SANBR: variants seen among roughly 807,000 people sequenced by gnomAD.
SANBR encodes SANT and BTB domain regulator of CSR, also known as SANT and BTB domain regulator of class switch recombination.
A neutral mutation model predicts 101.8 loss-of-function variants in SANBR; 77 were observed. That is an observed-to-expected ratio of 0.76 (90% CI 0.63 to 0.91). The LOEUF is 0.91. Ranked by LOEUF, SANBR falls within the 40% of genes least tolerant of loss-of-function variation. The pLI is 0.00. For synonymous variants in SANBR, 279 were observed against 274.7 expected (o/e 1.02, Z -0.15); for missense variants, 875 against 853.0 (o/e 1.03, Z -0.32).
chr2:61,090,388 A>T (rs563450923), intron 10 of SANBR: 2 of 152,270 alleles, frequency 1.3e-5, no homozygotes, highest in East Asian at 3.9e-4. Context: ...AAAGTAATTG[A>T]TACTAACTTC....
intron 10 of SANBR, chr2:61,090,628 T>C: frequency 6.5e-6 from 1 of 153,088 alleles, no homozygotes; most frequent in South Asian, 2.1e-4. Context: ...CAAGCAGTCC[T>C]CCCACATCAG....
chr2:61,122,462 G>T lies in SANBR; in HGVS notation c.*300G>T. The T allele has an allele frequency of 9.1e-7, 1 of 1,095,852 alleles. No homozygotes were observed. The highest frequency in any genetic ancestry group is 5.6e-5 in the East Asian group (1 of 17,784). The allele number at this position is 1,095,852 out of a possible 1,614,324, so 67.9% of individuals were successfully genotyped here. A position where few individuals can be genotyped will look rare whatever the true frequency, so the allele number is the denominator to read the frequency against. On this transcript the variant is annotated 3_prime_UTR_variant, in exon 22 of 22. Coordinates refer to ENST00000402291, the MANE Select transcript of SANBR (RefSeq NM_001129993.3). Reference sequence around the variant, plus strand: ...TGTTTTCCTTTATTTATTTGAAAAAGAAAGGCCTAAACTGTCAGGTAGCCA... The same window carrying T: ...TGTTTTCCTTTATTTATTTGAAAAATAAAGGCCTAAACTGTCAGGTAGCCA...
chr2:61,123,878 G>A lies in SANBR; in HGVS notation c.*1716G>A, dbSNP rs1684431308. ...AGGCCGAGGCGGGCAGATCACCTGA[G>A]GTCAGGAGTTTGAGACCAGCCTGGC... On this transcript the variant is annotated 3_prime_UTR_variant, in exon 22 of 22. Coordinates refer to ENST00000402291, the MANE Select transcript of SANBR (RefSeq NM_001129993.3). 1 of 762,538 alleles carries A rather than the reference G, an allele frequency of 1.3e-6. No individual in the cohort carries two copies. Among genetic ancestry groups the A allele is most frequent in the African/African-American group, 1.9e-5 (1 of 52,718 alleles). The allele number at this position is 762,538 out of a possible 1,614,324, so 47.2% of individuals were successfully genotyped here. A position where few individuals can be genotyped will look rare whatever the true frequency, so the allele number is the denominator to read the frequency against.
chr2:61,073,036 A>G (rs1681568838), intron 4 of SANBR, among the ~76,000 whole-genome samples: 2 of 151,794 alleles, frequency 1.3e-5, no homozygotes, highest in Non-Finnish European at 2.9e-5. Context: ...CAACTGACAC[A>G]GTAGTGGGGT....
intron 16 of SANBR, among the ~76,000 whole-genome samples, 177 bp downstream of exon 16, chr2:61,109,473 C>T (rs1430875842): frequency 6.6e-6 from 1 of 151,908 alleles, no homozygotes; most frequent in Non-Finnish European, 1.5e-5. Flanking sequence ...ACAAAATACT[C>T]AAAGCTGTAA....
intron 19 of SANBR, 72 bp downstream of exon 19, chr2:61,117,612 A>T: frequency 2.3e-6 from 3 of 1,316,568 alleles, no homozygotes; most frequent in Non-Finnish European, 3.3e-6. Flanking sequence ...TTCATTTTAT[A>T]CAGTATGCTG....
At chr2:61,096,357 A>G (rs1020553525) in intron 11 of SANBR, among the ~76,000 whole-genome samples, 4 of 152,090 alleles carry the variant, frequency 2.6e-5, no homozygotes, top group African/African-American at 7.2e-5. Flanking sequence ...GCCCCATAGT[A>G]TCTCTGAATC....
At chr2:61,070,650 A>G in intron 3 of SANBR, 150 bp downstream of exon 3, 1 of 414,786 alleles carries the variant, frequency 2.4e-6, no homozygotes, top group Non-Finnish European at 4.1e-6. Context: ...ATTTGACTAG[A>G]TGCAAATTAC....
intron 11 of SANBR, among the ~76,000 whole-genome samples, chr2:61,097,122 C>A (rs1238495010): frequency 6.6e-6 from 1 of 152,174 alleles, no homozygotes; most frequent in Non-Finnish European, 1.5e-5. Flanking sequence ...CCACTTCACT[C>A]CAGCCTGGGC....
At chr2:61,100,830 G>A (rs746657381) in intron 12 of SANBR, among the ~76,000 whole-genome samples, 1 of 152,152 alleles carries the variant, frequency 6.6e-6, no homozygotes, top group Non-Finnish European at 1.5e-5. Flanking sequence ...CTGGAGATTG[G>A]CAGTCATAAA....
intron 5 of SANBR, among the ~76,000 whole-genome samples, chr2:61,075,677 G>A (rs1681727036): frequency 6.6e-6 from 1 of 152,038 alleles, no homozygotes; most frequent in Non-Finnish European, 1.5e-5. Context: ...GTACATTGTA[G>A]TCTTAGGAAT....
intron 8 of SANBR, 30 bp downstream of exon 8, chr2:61,083,344 A>T: frequency 8.0e-7 from 1 of 1,242,298 alleles, no homozygotes; most frequent in Non-Finnish European, 1.2e-6. Flanking sequence ...TTTAAACCTA[A>T]TACTCCTGTT....
chr2:61,112,596 C>T (rs986529487), intron 16 of SANBR, among the ~76,000 whole-genome samples: 5 of 151,902 alleles, frequency 3.3e-5, no homozygotes, highest in South Asian at 2.1e-4. Flanking sequence ...TGGGTTCCAG[C>T]GATTCTTCTG....
At chr2:61,113,944 C>T (rs776540477) in intron 16 of SANBR, among the ~76,000 whole-genome samples, 4 of 152,102 alleles carry the variant, frequency 2.6e-5, no homozygotes, top group Non-Finnish European at 5.9e-5. Flanking sequence ...GTTTTTATAG[C>T]GAATAGGTGT....
chr2:61,083,759 C>T (rs1573606140), intron 8 of SANBR, among the ~76,000 whole-genome samples: 1 of 151,076 alleles, frequency 6.6e-6, no homozygotes, highest in African/African-American at 2.4e-5. Flanking sequence ...GTCCCAGCTG[C>T]TTGGGTGGCT....
rs754449275 is a variant in SANBR, at chr2:61,118,042, A to G, written c.1954A>G (p.Thr652Ala). The stretch of plus-strand genomic sequence containing the variant: ...TTTCCCTTCAGATCAACGGCGAATG[A>G]CTGAAATTACAGGGCACCTAATAAA... ...AQREDDQRRMTEITGHLIKMR... is the reference protein window; with the variant it reads ...AQREDDQRRMAEITGHLIKMR... The change falls in exon 20 of 22, where the codon ACT becomes GCT. Residue 652 changes from threonine to alanine, a missense_variant. Transcript: ENST00000402291. 6.2e-7 allele frequency: 1 copy of G among 1,613,314 alleles called. No homozygotes were observed. The highest frequency in any genetic ancestry group is 8.5e-7 in the Non-Finnish European group (1 of 1,179,640).
At position 61,109,233 on chromosome 2, in the gene SANBR, A is replaced by G. The variant is rs1683706824; in HGVS notation, c.1681A>G (p.Thr561Ala). ...QSLFSEEEEYTTGSEVTEDEV... is the reference protein window; with the variant it reads ...QSLFSEEEEYATGSEVTEDEV... Reference sequence around the variant, plus strand: ...ACTGTTTTCAGAAGAAGAAGAATATACCACTGGATCTGAGGTCACTGAAGA... The same window carrying G: ...ACTGTTTTCAGAAGAAGAAGAATATGCCACTGGATCTGAGGTCACTGAAGA... The change falls in exon 16 of 22, where the codon ACC becomes GCC. Residue 561 changes from threonine (T) to alanine (A), a missense_variant. By Grantham distance (58) the Thr-to-Ala change is moderately conservative. Coordinates refer to ENST00000402291, the MANE Select transcript of SANBR (RefSeq NM_001129993.3). 1 of 1,561,288 alleles carries G rather than the reference A, an allele frequency of 6.4e-7. No individual in the cohort carries two copies. The highest frequency in any genetic ancestry group is 1.8e-5 in the Admixed American group (1 of 55,844).
chr2:61,134,922 C>T (rs1684800011), intron 21 of SANBR, among the ~76,000 whole-genome samples: 1 of 151,886 alleles, frequency 6.6e-6, no homozygotes. Flanking sequence ...AGTGGTGGCT[C>T]ACACCTGTAA....
At chr2:61,076,087 G>T (rs977445431) in intron 5 of SANBR, among the ~76,000 whole-genome samples, 2 of 151,482 alleles carry the variant, frequency 1.3e-5, no homozygotes, top group African/African-American at 4.8e-5. Context: ...TCCGCCTCCC[G>T]AGTTCACACC....
Sources: allele counts gnomAD v4.1 joint callset (sites outside exome capture counted in the v4.1 genomes callset), GRCh38; gene constraint gnomAD v4.1.1; transcripts MANE v1.5; gene names NCBI Gene and HGNC (gene_info 2026-07-23, HGNC 2026-07-21).